Variants in QTGAL observed in about 807,000 individuals in gnomAD.
QTGAL encodes the protein BGnT-like protein 1.
the QTGAL span, among the ~76,000 whole-genome samples, chr17:82,956,196 C>T: frequency 9.9e-5 from 15 of 152,048 alleles, no homozygotes; most frequent in East Asian, 1.4e-3. The surrounding 1 kb of genome is among the most constrained non-coding windows in gnomAD (Gnocchi z 5.7). Context: ...CTCAGCCCCC[C>T]GCAGCCAGCC....
At chr17:82,949,815 T>G in the QTGAL span, 1 of 152,328 alleles carries the variant, frequency 6.6e-6, no homozygotes, top group African/African-American at 2.4e-5. Context: ...GGTTTTATGG[T>G]CCTTTTAACA....
At chr17:82,965,007 G>A in the QTGAL span, among the ~76,000 whole-genome samples, 68 of 147,802 alleles carry the variant, frequency 4.6e-4, no homozygotes, top group South Asian at 1.3e-3. Flanking sequence ...GGGAGGACGG[G>A]GACATGGACA....
chr17:83,025,850 A>G, the QTGAL span, among the ~76,000 whole-genome samples: 1 of 152,238 alleles, frequency 6.6e-6, no homozygotes, highest in Non-Finnish European at 1.5e-5. Flanking sequence ...GGGTGAGTAC[A>G]TCCCTGTCGT....
At chr17:82,960,202 C>T in the QTGAL span, among the ~76,000 whole-genome samples, 9 of 152,286 alleles carry the variant, frequency 5.9e-5, no homozygotes, top group East Asian at 1.5e-3. Flanking sequence ...CTGCCAACCC[C>T]CCAGCCCCAC....
chr17:82,982,462 C>A, the QTGAL span, among the ~76,000 whole-genome samples: 1 of 151,022 alleles, frequency 6.6e-6, no homozygotes, highest in East Asian at 1.9e-4. Flanking sequence ...AATGAGCCCA[C>A]AAAAGGGCCT....
the QTGAL span, among the ~76,000 whole-genome samples, chr17:82,967,917 C>T: frequency 1.3e-5 from 2 of 151,962 alleles, no homozygotes; most frequent in South Asian, 2.1e-4. Context: ...CCAGCCTGGG[C>T]GACAGAGGGA....
At chr17:82,997,099 G>A in the QTGAL span, among the ~76,000 whole-genome samples, 1 of 152,160 alleles carries the variant, frequency 6.6e-6, no homozygotes, top group Non-Finnish European at 1.5e-5. Context: ...TATCAACAAA[G>A]TGAAGAGACA....
At chr17:83,011,947 C>T in the QTGAL span, among the ~76,000 whole-genome samples, 18 of 149,484 alleles carry the variant, frequency 1.2e-4, no homozygotes, top group Admixed American at 8.7e-4. Flanking sequence ...ACGAACTCCT[C>T]GTATCCATAA....
the QTGAL span, among the ~76,000 whole-genome samples, chr17:82,969,957 GGT>G: frequency 1.3e-5 from 2 of 152,134 alleles, no homozygotes; most frequent in Non-Finnish European, 2.9e-5. Flanking sequence ...TGGGACTCTG[GGT>G]GTGAGTCACC....
chr17:82,969,970 G>A, the QTGAL span, among the ~76,000 whole-genome samples: 2 of 152,120 alleles, frequency 1.3e-5, no homozygotes, highest in Non-Finnish European at 2.9e-5. Flanking sequence ...GTGAGTCACC[G>A]TGCCTGGCCA....
At chr17:82,960,677 T>C in the QTGAL span, among the ~76,000 whole-genome samples, 1 of 152,274 alleles carries the variant, frequency 6.6e-6, no homozygotes, top group East Asian at 1.9e-4. Context: ...GCCGTGCCTC[T>C]GCCACCCTCC....
the QTGAL span, among the ~76,000 whole-genome samples, chr17:82,968,817 T>C: frequency 1.4e-4 from 22 of 152,046 alleles, no homozygotes; most frequent in African/African-American, 5.3e-4. Context: ...TTGACCAACA[T>C]GGAGAAACCC....
chr17:82,995,934 C>T, the QTGAL span, among the ~76,000 whole-genome samples: 6 of 149,414 alleles, frequency 4.0e-5, no homozygotes, highest in East Asian at 5.9e-4. Flanking sequence ...AAGATCTCTA[C>T]GATGAAAACT....
At chr17:83,000,399 A>G in the QTGAL span, among the ~76,000 whole-genome samples, 1 of 152,164 alleles carries the variant, frequency 6.6e-6, no homozygotes, top group Admixed American at 6.5e-5. Flanking sequence ...GGTTTGTAAA[A>G]CATCAGTCGT....
chr17:82,968,842 A>C, the QTGAL span, among the ~76,000 whole-genome samples: 1 of 152,068 alleles, frequency 6.6e-6, no homozygotes. Context: ...TTTACTAAAA[A>C]TACAAAATTA....
chr17:82,977,823 C>A, the QTGAL span, among the ~76,000 whole-genome samples: 2 of 152,190 alleles, frequency 1.3e-5, no homozygotes, highest in Non-Finnish European at 2.9e-5. Context: ...CGTTTTCACG[C>A]TGCCCATGTC....
the QTGAL span, chr17:82,947,204 C>A: frequency 1.9e-6 from 1 of 520,618 alleles, no homozygotes; most frequent in African/African-American, 1.9e-5. Flanking sequence ...AGGGGAGGCC[C>A]CCCCTGCCTT....
At chr17:83,026,931 A>G in the QTGAL span, among the ~76,000 whole-genome samples, 153 of 149,984 alleles carry the variant, frequency 1.0e-3, no homozygotes, top group Non-Finnish European at 1.5e-3. Context: ...GAGCCTGCAG[A>G]CAAACCCACC....
At chr17:82,974,740 C>T in the QTGAL span, among the ~76,000 whole-genome samples, 1 of 152,178 alleles carries the variant, frequency 6.6e-6, no homozygotes, top group South Asian at 2.1e-4. Flanking sequence ...CTGAACTGGA[C>T]CCTGGGGGTG....
Sources: gnomAD v4.1 joint callset for allele counts (sites outside exome capture counted in the v4.1 genomes callset) on GRCh38, gnomAD v4.1.1 for gene constraint, Gnocchi (gnomAD v3.1) non-coding constraint, MANE v1.5 for transcripts, NCBI Gene and HGNC (gene_info 2026-07-23, HGNC 2026-07-21) for gene names.